The following CHURC1 variants were observed in gnomAD, a reference collection of about 807,000 sequenced individuals.
CHURC1 encodes the protein protein Churchill.
In CHURC1, 12 loss-of-function variants were observed where a neutral mutation model predicts 15.4. The observed-to-expected ratio is 0.78, with a 90% CI of 0.50 to 1.27. CHURC1 has a LOEUF of 1.27. Ranked by LOEUF, CHURC1 falls within the 50% of genes most tolerant of loss-of-function variation. The probability of loss-of-function intolerance (pLI) is 0.00; values close to 1 mark genes in which losing one functional copy is unlikely to be tolerated. For missense variants in CHURC1, 132 were observed against 137.8 expected, an observed-to-expected ratio of 0.96 and a Z score of 0.21; for synonymous variants, 42 against 47.5, an observed-to-expected ratio of 0.88 and a Z score of 0.48.
chr14:64,923,155 C>T (rs148692603), intron 1 of CHURC1, among the ~76,000 whole-genome samples: 3 of 151,528 alleles, frequency 2.0e-5, no homozygotes, highest in East Asian at 3.9e-4. Flanking sequence ...TCCTTTGGGT[C>T]GGGGACGGTG....
chr14:64,916,457 T>G (rs578140280), intron 1 of CHURC1, among the ~76,000 whole-genome samples: 1 of 152,376 alleles, frequency 6.6e-6, no homozygotes, highest in Admixed American at 6.5e-5. Flanking sequence ...ATGTACTATT[T>G]CATTTTTTTA....
At chr14:64,915,585 G>A (rs1022644036) in intron 1 of CHURC1, among the ~76,000 whole-genome samples, 2 of 152,188 alleles carry the variant, frequency 1.3e-5, no homozygotes, top group African/African-American at 2.4e-5. Flanking sequence ...TTGGGAAGGA[G>A]GGAGAAAGTC....
In CHURC1 at chr14:64,935,178, CT is replaced by C. The variant is rs1200880756; in HGVS notation, c.*2949del. 1.2e-5 allele frequency: 3 copies of C among 254,324 alleles called. No individual in the cohort carries two copies. The highest frequency in any genetic ancestry group is 7.0e-5 in the African/African-American group (3 of 43,066). The allele number at this position is 254,324 out of a possible 1,614,324, so 15.8% of individuals were successfully genotyped here. ...GAAGGGGAACATCACACTCTAGGGACTGTTGTGGGGTGAGGGGAGGGGTGAG... is the reference window on the plus strand; with the variant it reads ...GAAGGGGAACATCACACTCTAGGGACGTTGTGGGGTGAGGGGAGGGGTGAG... On this transcript the variant is annotated 3_prime_UTR_variant, in exon 4 of 4. Coordinates refer to ENST00000549115, the MANE Select transcript of CHURC1 (RefSeq NM_001386928.1).
At chr14:64,924,741 T>C (rs975423809) in intron 2 of CHURC1, among the ~76,000 whole-genome samples, 1 of 152,208 alleles carries the variant, frequency 6.6e-6, no homozygotes, top group Non-Finnish European at 1.5e-5. Flanking sequence ...TATAAAAAAA[T>C]CAATTCTGAG....
chr14:64,914,843 T>TGTA (rs1883749393), intron 1 of CHURC1, among the ~76,000 whole-genome samples: 2 of 152,166 alleles, frequency 1.3e-5, no homozygotes, highest in African/African-American at 4.8e-5. Context: ...TCCGGTCTCA[T>TGTA]CCTCAAGCTC....
At chr14:64,916,599 A>G (rs964443091) in intron 1 of CHURC1, among the ~76,000 whole-genome samples, 4 of 152,124 alleles carry the variant, frequency 2.6e-5, no homozygotes, top group Non-Finnish European at 5.9e-5. Context: ...TGTTTTTGAG[A>G]TGGAGTCTTG....
At chr14:64,930,954 T>C (rs1476983318) in intron 3 of CHURC1, 1 of 405,396 alleles carries the variant, frequency 2.5e-6, no homozygotes, top group Non-Finnish European at 4.8e-6. Context: ...AACTCACCAG[T>C]AGAAGATGGA....
In CHURC1 at chr14:64,933,397, T is replaced by G; in HGVS notation, c.*1167T>G. ...TGGTTTCATTGGCTTTAAAGGGATT[T>G]TAGAATATCTTACTTTGCATAGTTT... On this transcript the variant is annotated 3_prime_UTR_variant, in exon 4 of 4. Coordinates refer to ENST00000549115, the MANE Select transcript of CHURC1 (RefSeq NM_001386928.1). The G allele has an allele frequency of 1.0e-6, 1 of 985,494 alleles. No individual in the cohort carries two copies. Among genetic ancestry groups the G allele is most frequent in the East Asian group, 1.1e-4 (1 of 8,816 alleles). The allele number at this position is 985,494 out of a possible 1,614,324, so 61.0% of individuals were successfully genotyped here.
intron 3 of CHURC1, among the ~76,000 whole-genome samples, chr14:64,928,000 A>G (rs1884840411): frequency 6.6e-6 from 1 of 151,960 alleles, no homozygotes; most frequent in Admixed American, 6.6e-5. Context: ...CCTCATTTCA[A>G]GGTTCTCACT....
intron 3 of CHURC1, 130 bp from the exon 4 acceptor site, chr14:64,932,008 T>A: frequency 8.5e-7 from 1 of 1,172,732 alleles, no homozygotes; most frequent in Non-Finnish European, 1.2e-6. Context: ...CTGATACATG[T>A]TGAAGAAATT....
chr14:64,935,025 T>G lies in CHURC1; in HGVS notation c.*2795T>G, dbSNP rs759220679. The G allele has an allele frequency of 1.9e-5, 19 of 981,690 alleles. No individual in the cohort carries two copies. Among genetic ancestry groups the G allele is most frequent in the Admixed American group, 6.2e-5 (1 of 16,256 alleles). The allele number at this position is 981,690 out of a possible 1,614,324, so 60.8% of individuals were successfully genotyped here. On this transcript the variant is annotated 3_prime_UTR_variant, in exon 4 of 4. Transcript: ENST00000549115. ...AGAATCCTTATTTTTCTGTTCAAAT[T>G]AGGAATTAGGGACATGGATGAAATT... is the stretch of plus-strand genomic sequence containing the variant.
At chr14:64,931,988 T>C in intron 3 of CHURC1, 150 bp from the exon 4 acceptor site, 2 of 962,144 alleles carry the variant, frequency 2.1e-6, no homozygotes, top group Non-Finnish European at 3.0e-6. Flanking sequence ...AGAATAAGCC[T>C]AAGACATTGC....
rs1476761338 is a variant in CHURC1 at position 64,934,786 on chromosome 14, G to A, written c.*2556G>A. 1 of 985,400 alleles carries A rather than the reference G, an allele frequency of 1.0e-6. No homozygotes were observed. The highest frequency in any genetic ancestry group is 1.2e-6 in the Non-Finnish European group (1 of 829,926). 61.0% of individuals were successfully genotyped at this position (985,400 alleles called of 1,614,324 possible). On this transcript the variant is annotated 3_prime_UTR_variant, in exon 4 of 4. Coordinates refer to ENST00000549115, the MANE Select transcript of CHURC1 (RefSeq NM_001386928.1). Reference sequence around the variant, plus strand: ...CAACTTAGTCATTTGAAGCCCAAGAGTCTAATTTTATATGCCCTGCCAATG... The same window carrying A: ...CAACTTAGTCATTTGAAGCCCAAGAATCTAATTTTATATGCCCTGCCAATG...
At position 64,929,107 on chromosome 14, in the gene CHURC1, CTGCAGTTCTGCACACTGCCATCAAGTTA is replaced by C. The variant is rs1884926351; in HGVS notation, c.246+3028_247-3003del. ...CTGAATTACTGCAGCATTCCCCAGACTGCAGTTCTGCACACTGCCATCAAGTTAATCTTCTTAAACATGTCATCCTCCA... is the reference window on the plus strand; with the variant it reads ...CTGAATTACTGCAGCATTCCCCAGACATCTTCTTAAACATGTCATCCTCCA... On this transcript the variant is annotated intron_variant, in intron 3 of 3. Coordinates refer to ENST00000549115, the MANE Select transcript of CHURC1 (RefSeq NM_001386928.1). 3.3e-5 allele frequency among the ~76,000 whole-genome samples: 5 copies of C among 152,188 alleles called. No individual in the cohort carries two copies. The South Asian group carries it at 1.0e-3, about 31-fold the overall frequency.
rs897182199 is a variant in CHURC1, at chr14:64,934,260, A to C, written c.*2030A>C. Reference sequence around the variant, plus strand: ...GCAACATGGGAGGCTGAACAGGAGAATCGCTTGAACCCGCGACAGGGAGGT... The same window carrying C: ...GCAACATGGGAGGCTGAACAGGAGACTCGCTTGAACCCGCGACAGGGAGGT... On this transcript the variant is annotated 3_prime_UTR_variant, in exon 4 of 4. Coordinates refer to ENST00000549115, the MANE Select transcript of CHURC1 (RefSeq NM_001386928.1). The C allele has an allele frequency of 9.4e-6, 3 of 320,108 alleles. No homozygotes were observed. The highest frequency in any genetic ancestry group is 6.8e-5 in the African/African-American group (3 of 44,442). The allele number at this position is 320,108 out of a possible 1,614,324, so 19.8% of individuals were successfully genotyped here.
At chr14:64,927,600 T>C (rs1296463330) in intron 3 of CHURC1, among the ~76,000 whole-genome samples, 1 of 151,954 alleles carries the variant, frequency 6.6e-6, no homozygotes, top group Non-Finnish European at 1.5e-5. Flanking sequence ...GAAATTACTC[T>C]GGGACAGGAA....
chr14:64,931,502 C>G (rs2139919927), intron 3 of CHURC1, among the ~76,000 whole-genome samples: 1 of 152,020 alleles, frequency 6.6e-6, no homozygotes, highest in South Asian at 2.1e-4. Context: ...CCACTGCACT[C>G]CAATCTGGGC....
At chr14:64,923,024 G>C (rs576570180) in intron 1 of CHURC1, among the ~76,000 whole-genome samples, 4 of 152,126 alleles carry the variant, frequency 2.6e-5, no homozygotes, top group Non-Finnish European at 5.9e-5. Context: ...ACGTTGATTT[G>C]AGTGATTTTT....
chr14:64,917,093 C>T (rs972329541), intron 1 of CHURC1, among the ~76,000 whole-genome samples: 1 of 152,128 alleles, frequency 6.6e-6, no homozygotes, highest in Non-Finnish European at 1.5e-5. Flanking sequence ...TTTGAGGAGC[C>T]ATGGCAACAG....
Sources: allele counts gnomAD v4.1 joint callset (sites outside exome capture counted in the v4.1 genomes callset), GRCh38; gene constraint gnomAD v4.1.1; transcripts MANE v1.5; gene names NCBI Gene and HGNC (gene_info 2026-07-23, HGNC 2026-07-21).